KHDRBS2: variants seen among roughly 807,000 people sequenced by gnomAD.
KHDRBS2 encodes the protein KH RNA binding domain containing, signal transduction associated 2.
A neutral mutation model predicts 44.3 loss-of-function variants in KHDRBS2; 26 were observed. The ratio of observed to expected loss-of-function variants is 0.59; its 90% CI spans 0.43 to 0.81. The LOEUF (loss-of-function observed/expected upper bound fraction) is 0.81, where lower values mean the gene tolerates loss of function less well. Ranked by LOEUF, KHDRBS2 falls within the 40% of genes least tolerant of loss-of-function variation. KHDRBS2 has a pLI of 0.00. For synonymous variants in KHDRBS2, 194 were observed against 151.1 expected (o/e 1.28, Z -2.08); for missense variants, 476 against 433.1 (o/e 1.10, Z -0.88).
chr6:61,567,957 A>G, the KHDRBS2 span, among the ~76,000 whole-genome samples: 1 of 151,856 alleles, frequency 6.6e-6, no homozygotes, highest in African/African-American at 2.4e-5. Context: ...TTCTTCCATC[A>G]TTTTGTAGTT....
chr6:61,600,015 A>G, the KHDRBS2 span, among the ~76,000 whole-genome samples: 1 of 152,212 alleles, frequency 6.6e-6, no homozygotes, highest in African/African-American at 2.4e-5. Flanking sequence ...TCATATCAAA[A>G]AATTACATGA....
chr6:61,715,456 T>C (rs181760083), intron 7 of KHDRBS2, among the ~76,000 whole-genome samples: 1 of 152,038 alleles, frequency 6.6e-6, no homozygotes, highest in South Asian at 2.1e-4. Flanking sequence ...AAATATCTGA[T>C]CTGCCTGAAG....
chr6:61,578,958 T>A, the KHDRBS2 span, among the ~76,000 whole-genome samples: 1 of 152,176 alleles, frequency 6.6e-6, no homozygotes, highest in East Asian at 1.9e-4. Flanking sequence ...GGAAGTTTGG[T>A]AATAGTTTTA....
At chr6:62,157,918 G>T (rs1398471228) in intron 2 of KHDRBS2, among the ~76,000 whole-genome samples, 1 of 152,140 alleles carries the variant, frequency 6.6e-6, no homozygotes, top group Non-Finnish European at 1.5e-5. Context: ...GTCTATGTGA[G>T]TTTCAATAAT....
intron 6 of KHDRBS2, among the ~76,000 whole-genome samples, chr6:61,769,248 G>A (rs1277739363): frequency 1.3e-5 from 2 of 152,078 alleles, no homozygotes; most frequent in African/African-American, 4.8e-5. Context: ...CACAGAACAC[G>A]GGTGATTTCG....
chr6:61,783,879 T>G (rs887007647), intron 6 of KHDRBS2, among the ~76,000 whole-genome samples: 1 of 152,060 alleles, frequency 6.6e-6, no homozygotes, highest in Admixed American at 6.6e-5. Context: ...CATTTAATTA[T>G]GTGAATGGTT....
chr6:61,867,833 C>T (rs1198524669), intron 6 of KHDRBS2, among the ~76,000 whole-genome samples: 2 of 152,168 alleles, frequency 1.3e-5, no homozygotes, highest in Non-Finnish European at 2.9e-5. Context: ...GGAGCTCCAT[C>T]CCAGGGGGTT....
the KHDRBS2 span, among the ~76,000 whole-genome samples, chr6:61,562,120 AT>A: frequency 6.6e-6 from 1 of 152,138 alleles, no homozygotes; most frequent in Non-Finnish European, 1.5e-5. Flanking sequence ...TATTCAGTTA[AT>A]TTTTCTTGCA....
chr6:61,554,151 A>G, the KHDRBS2 span, among the ~76,000 whole-genome samples: 1 of 152,150 alleles, frequency 6.6e-6, no homozygotes, highest in South Asian at 2.1e-4. Context: ...TTCATAGGTC[A>G]CTAGAACTTG....
At chr6:61,939,871 T>C (rs1397191911) in intron 4 of KHDRBS2, among the ~76,000 whole-genome samples, 6 of 152,216 alleles carry the variant, frequency 3.9e-5, no homozygotes. Flanking sequence ...AATTCAGAAG[T>C]ATTCTAATAC....
At chr6:61,742,428 A>G (rs1484442675) in intron 6 of KHDRBS2, among the ~76,000 whole-genome samples, 1 of 152,064 alleles carries the variant, frequency 6.6e-6, no homozygotes, top group African/African-American at 2.4e-5. Flanking sequence ...TCTTTAGGAT[A>G]TAAATTATTA....
chr6:61,766,723 G>A (rs577388634), intron 6 of KHDRBS2, among the ~76,000 whole-genome samples: 20 of 151,976 alleles, frequency 1.3e-4, no homozygotes, highest in East Asian at 5.8e-4. Context: ...TTGAACCACC[G>A]GTCATTTAGA....
chr6:61,608,110 A>G, the KHDRBS2 span, among the ~76,000 whole-genome samples: 4 of 152,218 alleles, frequency 2.6e-5, no homozygotes, highest in Admixed American at 2.0e-4. Flanking sequence ...TAAAGTCCAC[A>G]TTGGAAGACA....
At chr6:61,803,918 A>G (rs893511099) in intron 6 of KHDRBS2, among the ~76,000 whole-genome samples, 3 of 152,080 alleles carry the variant, frequency 2.0e-5, no homozygotes, top group African/African-American at 7.2e-5. Context: ...CAACATATGG[A>G]GATTACAATT....
chr6:61,664,908 A>G, the KHDRBS2 span, among the ~76,000 whole-genome samples: 1 of 151,670 alleles, frequency 6.6e-6, no homozygotes, highest in African/African-American at 2.4e-5. Context: ...CAACACATTA[A>G]AAATATTTTG....
chr6:61,790,408 A>G (rs72880614), intron 6 of KHDRBS2, among the ~76,000 whole-genome samples: 26,916 of 95,480 alleles, frequency 0.28, 2,460 homozygotes, highest in African/African-American at 0.33. Context: ...CTTGGGACTT[A>G]AAAAAAAAAA....
chr6:61,675,993 A>G (rs1765912133), downstream of KHDRBS2, among the ~76,000 whole-genome samples: 1 of 151,820 alleles, frequency 6.6e-6, no homozygotes, highest in South Asian at 2.1e-4. Context: ...GGTGGATGTC[A>G]GACATGATGT....
At chr6:61,912,539 G>A (rs1806237082) in intron 4 of KHDRBS2, among the ~76,000 whole-genome samples, 3 of 152,116 alleles carry the variant, frequency 2.0e-5, no homozygotes, top group Admixed American at 2.0e-4. Context: ...TCTAGCAGGG[G>A]CAAATCAAAA....
the KHDRBS2 span, among the ~76,000 whole-genome samples, chr6:61,587,501 G>T: frequency 6.6e-6 from 1 of 151,886 alleles, no homozygotes; most frequent in Non-Finnish European, 1.5e-5. Context: ...TATTTTTGTG[G>T]TATTTCAATA....
Sources: gnomAD v4.1 joint callset for allele counts (sites outside exome capture counted in the v4.1 genomes callset) on GRCh38, gnomAD v4.1.1 for gene constraint, MANE v1.5 for transcripts, NCBI Gene and HGNC (gene_info 2026-07-23, HGNC 2026-07-21) for gene names.